KIAA1328: variants seen among roughly 807,000 people sequenced by gnomAD.
The protein encoded by KIAA1328 is protein hinderin.
In KIAA1328, 52 loss-of-function variants were observed where a neutral mutation model predicts 68.1. The observed-to-expected ratio is 0.76, with a 90% CI of 0.61 to 0.96. KIAA1328 has a LOEUF of 0.96. KIAA1328 is among the 40% of genes least tolerant of loss of function. The probability of loss-of-function intolerance (pLI) is 0.00; values close to 1 mark genes in which losing one functional copy is unlikely to be tolerated. For missense variants in KIAA1328, 641 were observed against 677.6 expected (o/e 0.95, Z 0.60); for synonymous variants, 232 against 239.4 (o/e 0.97, Z 0.28).
intron 6 of KIAA1328, among the ~76,000 whole-genome samples, chr18:37,003,843 T>C (rs1340162617): frequency 6.6e-6 from 1 of 152,046 alleles, no homozygotes; most frequent in Non-Finnish European, 1.5e-5. Context: ...TTGGATACGG[T>C]GTTCTTTCCC....
chr18:37,157,586 C>G (rs2059179366), intron 7 of KIAA1328, among the ~76,000 whole-genome samples: 2 of 151,668 alleles, frequency 1.3e-5, no homozygotes, highest in African/African-American at 2.4e-5. Flanking sequence ...GCCGAGTGGG[C>G]AGATCACGAG....
intron 5 of KIAA1328, among the ~76,000 whole-genome samples, chr18:36,890,248 A>AT (rs2048637771): frequency 6.6e-6 from 1 of 151,164 alleles, no homozygotes; most frequent in Non-Finnish European, 1.5e-5. Context: ...TTAAAAAAAA[A>AT]GCAAAATCAC....
chr18:37,117,902 A>G (rs1047431857), intron 7 of KIAA1328, among the ~76,000 whole-genome samples: 48 of 150,970 alleles, frequency 3.2e-4, no homozygotes, highest in Non-Finnish European at 1.6e-4. Context: ...ATATATATAT[A>G]CTAACATATT....
intron 7 of KIAA1328, among the ~76,000 whole-genome samples, chr18:37,140,396 A>G (rs2058741515): frequency 6.6e-6 from 1 of 152,178 alleles, no homozygotes; most frequent in African/African-American, 2.4e-5. Flanking sequence ...ATGCAAATAC[A>G]TATGGTATTC....
chr18:37,133,790 C>A (rs2058580860), intron 7 of KIAA1328, among the ~76,000 whole-genome samples: 2 of 152,044 alleles, frequency 1.3e-5, no homozygotes, highest in South Asian at 4.1e-4. Flanking sequence ...TCCCAAAGTG[C>A]TGTGATTATA....
chr18:36,891,772 T>C (rs927880555), intron 5 of KIAA1328, among the ~76,000 whole-genome samples: 1 of 152,224 alleles, frequency 6.6e-6, no homozygotes, highest in Admixed American at 6.5e-5. Flanking sequence ...TAAACATCCA[T>C]GTGCATGTGT....
intron 7 of KIAA1328, among the ~76,000 whole-genome samples, chr18:37,093,457 A>G (rs1409274266): frequency 6.6e-6 from 1 of 152,220 alleles, no homozygotes; most frequent in Non-Finnish European, 1.5e-5. Flanking sequence ...GTATCATAAA[A>G]AAGAACCAAG....
At chr18:37,154,630 G>A (rs373161394) in intron 7 of KIAA1328, among the ~76,000 whole-genome samples, 10 of 151,940 alleles carry the variant, frequency 6.6e-5, no homozygotes, top group East Asian at 1.9e-4. Flanking sequence ...GAATTTCTGC[G>A]TTCCTCAATT....
chr18:36,861,351 G>T (rs527261743), intron 4 of KIAA1328, among the ~76,000 whole-genome samples: 1 of 152,032 alleles, frequency 6.6e-6, no homozygotes, highest in Non-Finnish European at 1.5e-5. Context: ...CCAGTGTATA[G>T]TGTGCTAGGT....
chr18:37,055,292 A>C (rs2055865267), intron 6 of KIAA1328, among the ~76,000 whole-genome samples: 1 of 152,250 alleles, frequency 6.6e-6, no homozygotes, highest in Non-Finnish European at 1.5e-5. Context: ...TATGACCTGG[A>C]AAAGGCCATG....
intron 7 of KIAA1328, among the ~76,000 whole-genome samples, chr18:37,103,803 TACAC>T (rs60337954): frequency 0.26 from 37,651 of 145,436 alleles, 6,601 homozygotes; most frequent in African/African-American, 0.52. Flanking sequence ...CAATAGCAAA[TACAC>T]ACACACACAC....
intron 7 of KIAA1328, among the ~76,000 whole-genome samples, chr18:37,095,097 A>C (rs1236988023): frequency 6.6e-6 from 1 of 152,214 alleles, no homozygotes; most frequent in African/African-American, 2.4e-5. Context: ...GATCATTATT[A>C]GATCCAAAGA....
intron 5 of KIAA1328, among the ~76,000 whole-genome samples, chr18:36,925,312 A>G (rs2050071718): frequency 6.6e-6 from 1 of 152,178 alleles, no homozygotes; most frequent in South Asian, 2.1e-4. Flanking sequence ...AATTATATGA[A>G]CAGTGGAGAT....
At chr18:36,856,968 A>G (rs2047404482) in intron 4 of KIAA1328, among the ~76,000 whole-genome samples, 1 of 152,056 alleles carries the variant, frequency 6.6e-6, no homozygotes, top group Non-Finnish European at 1.5e-5. Context: ...TTGACCTTGA[A>G]CCACTGAAGC....
intron 6 of KIAA1328, among the ~76,000 whole-genome samples, chr18:36,962,595 A>G (rs2051731553): frequency 6.6e-6 from 1 of 152,230 alleles, no homozygotes; most frequent in Non-Finnish European, 1.5e-5. Context: ...AGCAAATGTA[A>G]CAGAACAGAA....
At chr18:36,850,962 G>A (rs540319603) in intron 4 of KIAA1328, among the ~76,000 whole-genome samples, 1 of 152,198 alleles carries the variant, frequency 6.6e-6, no homozygotes, top group East Asian at 1.9e-4. Flanking sequence ...TTTCATAAGT[G>A]CCCTTTACCA....
intron 7 of KIAA1328, among the ~76,000 whole-genome samples, chr18:37,083,209 A>C (rs1475790915): frequency 6.6e-6 from 1 of 152,108 alleles, no homozygotes; most frequent in Non-Finnish European, 1.5e-5. Context: ...TTTTCTCATA[A>C]TTCCCTGATT....
At chr18:37,046,550 A>C (rs2055476867) in intron 6 of KIAA1328, among the ~76,000 whole-genome samples, 1 of 152,166 alleles carries the variant, frequency 6.6e-6, no homozygotes, top group Non-Finnish European at 1.5e-5. Context: ...ACAGAAAAGC[A>C]ATGACTAATG....
In KIAA1328 at chr18:36,954,716, C is replaced by T. The variant is rs367708540; in HGVS notation, c.449-4592C>T. On this transcript the variant is annotated intron_variant, in intron 5 of 9. Transcript: ENST00000280020. ...TTTTTTTTTTTTTTTCTTTTTGAGA[C>T]GGAGTTTTGGTCTTGTTGCCCAGGC... Among the ~76,000 whole-genome samples, 400 of 137,642 alleles carry T rather than the reference C, an allele frequency of 2.9e-3. 1 individual carries two copies. Among genetic ancestry groups the T allele is most frequent in the African/African-American group, 9.8e-3 (361 of 36,974 alleles). The allele number at this position is 137,642 out of a possible 152,430, so 90.3% of individuals were successfully genotyped here.
Sources: gnomAD v4.1 joint callset for allele counts (sites outside exome capture counted in the v4.1 genomes callset) on GRCh38, gnomAD v4.1.1 for gene constraint, MANE v1.5 for transcripts, NCBI Gene and HGNC (gene_info 2026-07-23, HGNC 2026-07-21) for gene names.